PLAC9: variants seen among roughly 807,000 people sequenced by gnomAD.
The protein encoded by PLAC9 is placenta-specific protein 9.
Under a neutral mutation model 11.5 loss-of-function variants are expected in PLAC9, and 12 were observed. That is an observed-to-expected ratio of 1.05 (90% CI 0.67 to 1.69). PLAC9 has a LOEUF of 1.69. Ranked by LOEUF, PLAC9 falls within the 40% of genes most tolerant of loss-of-function variation. The pLI is 0.00. For synonymous variants in PLAC9, 62 were observed against 58.1 expected (o/e 1.07, Z -0.31); for missense variants, 132 against 130.5 (o/e 1.01, Z -0.06).
chr10:80,132,379 T>C (rs980207529), upstream of PLAC9, among the ~76,000 whole-genome samples: 3 of 152,194 alleles, frequency 2.0e-5, no homozygotes, highest in African/African-American at 7.2e-5. Flanking sequence ...CTCCGAGTCT[T>C]AGTCTGCCCG....
At chr10:80,135,050 C>T (rs574321072) in intron 1 of PLAC9, among the ~76,000 whole-genome samples, 10 of 138,798 alleles carry the variant, frequency 7.2e-5, no homozygotes, top group East Asian at 6.2e-4. Context: ...GATGGAGTCT[C>T]GCTCTGTCTC....
At chr10:80,138,972 G>A (rs1180104655) in intron 1 of PLAC9, among the ~76,000 whole-genome samples, 1 of 102,560 alleles carries the variant, frequency 9.8e-6, no homozygotes, top group East Asian at 2.1e-4. Context: ...TTTTTTTTGA[G>A]ACGGAGTCTA....
chr10:80,141,991 G>A, intron 1 of PLAC9, 91 bp from the exon 2 acceptor site: 1 of 1,023,066 alleles, frequency 9.8e-7, no homozygotes, highest in South Asian at 1.7e-5. Flanking sequence ...TTGCTTTGAG[G>A]ACTGACCTCA....
rs1363379030 is a variant in PLAC9, at chr10:80,132,747, C to G, written c.-16C>G. 6.9e-7 allele frequency: 1 copy of G among 1,452,818 alleles called. No individual in the cohort carries two copies. The allele number at this position is 1,452,818 out of a possible 1,614,324, so 90.0% of individuals were successfully genotyped here. A position where few individuals can be genotyped will look rare whatever the true frequency, so the allele number is the denominator to read the frequency against. Reference sequence around the variant, plus strand: ...CTGCGGGCAGACGCGGCGCTGCGCTCGGCCAGGCCGGCACCATGCGGCCCC... The same window carrying G: ...CTGCGGGCAGACGCGGCGCTGCGCTGGGCCAGGCCGGCACCATGCGGCCCC... On this transcript the variant is annotated 5_prime_UTR_variant, in exon 1 of 4. Transcript: ENST00000372263.
chr10:80,132,960 G>C (rs556784532), intron 1 of PLAC9, 134 bp downstream of exon 1: 364 of 699,334 alleles, frequency 5.2e-4, no homozygotes, highest in South Asian at 2.6e-3. Flanking sequence ...GATGCAGGGA[G>C]GGAGGGATGG....
chr10:80,139,731 T>G (rs1347883484), intron 1 of PLAC9, among the ~76,000 whole-genome samples: 6 of 151,598 alleles, frequency 4.0e-5, no homozygotes, highest in African/African-American at 1.5e-4. Context: ...GTTCTCATCA[T>G]GGCCACCATT....
intron 1 of PLAC9, among the ~76,000 whole-genome samples, chr10:80,138,013 A>T (rs2132334681): frequency 6.6e-6 from 1 of 152,174 alleles, no homozygotes; most frequent in East Asian, 1.9e-4. Context: ...AGGATGGAGC[A>T]TAGCCCCCAG....
chr10:80,138,492 T>C (rs1845003281), intron 1 of PLAC9, among the ~76,000 whole-genome samples: 1 of 152,194 alleles, frequency 6.6e-6, no homozygotes, highest in Non-Finnish European at 1.5e-5. Context: ...GGAAAACAGA[T>C]TGTTCTCCAC....
At chr10:80,133,230 A>T (rs1832225330) in intron 1 of PLAC9, among the ~76,000 whole-genome samples, 1 of 152,146 alleles carries the variant, frequency 6.6e-6, no homozygotes, top group African/African-American at 2.4e-5. Context: ...GAAAGATTTG[A>T]GAGAGACCAA....
chr10:80,132,469 C>T, upstream of PLAC9: 3 of 388,650 alleles, frequency 7.7e-6, no homozygotes, highest in Non-Finnish European at 1.4e-5. Flanking sequence ...ATGCCCCCCG[C>T]CCCGCCTTCC....
At chr10:80,144,433 G>T in intron 3 of PLAC9, 90 bp downstream of exon 3, 10 of 1,432,438 alleles carry the variant, frequency 7.0e-6, no homozygotes, top group Non-Finnish European at 8.3e-6. Context: ...CCACTGCACA[G>T]GTGTAGCCTG....
In PLAC9 at chr10:80,144,955, G is replaced by A; in HGVS notation, c.*45G>A. On this transcript the variant is annotated 3_prime_UTR_variant, in exon 4 of 4. Transcript: ENST00000372263. Reference sequence around the variant, plus strand: ...GCAGTTGGAGGTGGTGCACCTGCCAGGCAGCGCCCACAGAACCAGCCCTGT... The same window carrying A: ...GCAGTTGGAGGTGGTGCACCTGCCAAGCAGCGCCCACAGAACCAGCCCTGT... The A allele has an allele frequency of 6.4e-7, 1 of 1,563,364 alleles. No individual in the cohort carries two copies. The highest frequency in any genetic ancestry group is 8.7e-7 in the Non-Finnish European group (1 of 1,152,582).
intron 1 of PLAC9, among the ~76,000 whole-genome samples, chr10:80,135,198 A>G (rs1401753322): frequency 4.7e-5 from 7 of 149,532 alleles, no homozygotes. Flanking sequence ...TTTTTTTTGT[A>G]TTTTTAGTAG....
At position 80,132,806 on chromosome 10, in the gene PLAC9, G is replaced by A. The variant is rs1327067727; in HGVS notation, c.44G>A (p.Arg15His). 2.3e-5 allele frequency: 35 copies of A among 1,497,320 alleles called. No homozygotes were observed. Among genetic ancestry groups the A allele is most frequent in the Non-Finnish European group, 3.0e-5 (34 of 1,130,972 alleles). The allele number at this position is 1,497,320 out of a possible 1,614,324, so 92.8% of individuals were successfully genotyped here. A position where few individuals can be genotyped will look rare whatever the true frequency, so the allele number is the denominator to read the frequency against. Reference protein sequence around the residue: ...LCALTGLALLRAAGSLAAAEP... With the variant: ...LCALTGLALLHAAGSLAAAEP... Reference sequence around the variant, plus strand: ...GCGCTGACCGGACTGGCCCTGCTCCGCGCCGCGGGCTCTTTGGCCGGTGAG... The same window carrying A: ...GCGCTGACCGGACTGGCCCTGCTCCACGCCGCGGGCTCTTTGGCCGGTGAG... The change falls in exon 1 of 4, where the codon CGC becomes CAC. Residue 15 changes from arginine to histidine, a missense_variant. Transcript: ENST00000372263.
At chr10:80,132,591 C>T, upstream of PLAC9, 1 of 489,140 alleles carries the variant, frequency 2.0e-6, no homozygotes, top group Non-Finnish European at 3.5e-6. Context: ...CCGCGCTGCC[C>T]ACGGGGTGCC....
intron 1 of PLAC9, 85 bp from the exon 2 acceptor site, chr10:80,141,997 C>A: frequency 9.0e-7 from 1 of 1,113,576 alleles, no homozygotes; most frequent in Non-Finnish European, 1.3e-6. Context: ...TGAGGACTGA[C>A]CTCATTTGAG....
intron 1 of PLAC9, among the ~76,000 whole-genome samples, chr10:80,133,553 G>A (rs1009040234): frequency 6.6e-6 from 1 of 152,232 alleles, no homozygotes; most frequent in South Asian, 2.1e-4. Context: ...CAGCCTCCCG[G>A]TTTCCAGGGA....
Position 80,132,919 on chromosome 10 carries a change from T to C in PLAC9, c.64+93T>C, listed in dbSNP as rs895806717. The stretch of plus-strand genomic sequence containing the variant: ...TGAGCGAGAGAGACGGAGAGAGAGC[T>C]GGACACAGCAGCGAGATGGACAGAG... On this transcript the variant is annotated intron_variant, in intron 1 of 3. Coordinates refer to ENST00000372263, the MANE Select transcript of PLAC9 (RefSeq NM_001012973.3). 37 of 1,134,530 alleles carry C rather than the reference T, an allele frequency of 3.3e-5. No individual in the cohort carries two copies. The Admixed American group carries it at 8.7e-4, about 27-fold the overall frequency. 70.3% of individuals were successfully genotyped at this position (1,134,530 alleles called of 1,614,324 possible).
At chr10:80,141,999 T>G (rs1217300959) in intron 1 of PLAC9, 83 bp from the exon 2 acceptor site, 2 of 1,163,062 alleles carry the variant, frequency 1.7e-6, no homozygotes, top group Middle Eastern at 2.0e-4. Flanking sequence ...AGGACTGACC[T>G]CATTTGAGCC....
Sources: allele counts gnomAD v4.1 joint callset (sites outside exome capture counted in the v4.1 genomes callset), GRCh38; gene constraint gnomAD v4.1.1; transcripts MANE v1.5; gene names NCBI Gene and HGNC (gene_info 2026-07-23, HGNC 2026-07-21).